The following NWD2 variants were observed in gnomAD, a reference collection of about 807,000 sequenced individuals.
NWD2 encodes the protein NACHT and WD repeat domain-containing protein 2.
Under a neutral mutation model 132.7 loss-of-function variants are expected in NWD2, and 37 were observed. The observed-to-expected ratio is 0.28, with a 90% CI of 0.21 to 0.37. The LOEUF (loss-of-function observed/expected upper bound fraction) is 0.37, where lower values mean the gene tolerates loss of function less well. NWD2 is among the 10% of genes least tolerant of loss of function. NWD2 has a pLI of 1.00. For missense variants in NWD2, 1,592 were observed against 2,122.4 expected, an observed-to-expected ratio of 0.75 and a Z score of 4.91; for synonymous variants, 705 against 803.0, an observed-to-expected ratio of 0.88 and a Z score of 2.06.
intron 3 of NWD2, among the ~76,000 whole-genome samples, chr4:37,413,972 G>A (rs1340741776): frequency 6.6e-6 from 1 of 152,008 alleles, no homozygotes; most frequent in African/African-American, 2.4e-5. Context: ...GGCCTGTCAG[G>A]GGGTGGGGGG....
chr4:37,289,826 C>T (rs1399437453), intron 1 of NWD2, among the ~76,000 whole-genome samples: 1 of 152,140 alleles, frequency 6.6e-6, no homozygotes, highest in African/African-American at 2.4e-5. Flanking sequence ...CCCCTAGAGG[C>T]AACTACTCTT....
At chr4:37,362,833 C>G (rs1720007288) in intron 3 of NWD2, among the ~76,000 whole-genome samples, 1 of 152,176 alleles carries the variant, frequency 6.6e-6, no homozygotes, top group South Asian at 2.1e-4. Context: ...AACTAAACAG[C>G]TTCTGCGAAG....
chr4:37,364,296 C>T (rs754360593), intron 3 of NWD2, among the ~76,000 whole-genome samples: 111 of 152,260 alleles, frequency 7.3e-4, no homozygotes, highest in Non-Finnish European at 1.2e-3. Context: ...TTCCTCAATC[C>T]GTAGTGTGGA....
Position 37,439,149 on chromosome 4 carries a change from A to G in NWD2, c.1055A>G (p.Asp352Gly). The change falls in exon 6 of 7, where the codon GAT (aspartate) becomes GGT (glycine). Residue 352 changes from aspartate to glycine, a missense_variant. Around this residue, in one of 7 missense-constraint regions of NWD2, gnomAD observed 1,071 missense variants for 1,398.0 expected, o/e 0.77. Coordinates refer to ENST00000309447, the MANE Select transcript of NWD2 (RefSeq NM_001144990.2). This position sits in a 1 kb window ranked among gnomAD's most constrained non-coding sequence, Gnocchi z 4.5. Reference protein sequence around the residue: ...LGKQFYEDMIDIIQATIQQNF... With the variant: ...LGKQFYEDMIGIIQATIQQNF... Reference sequence around the variant, plus strand: ...AAACAATTTTATGAGGACATGATTGATATAATTCAGGCAACGATACAACAG... The same window carrying G: ...AAACAATTTTATGAGGACATGATTGGTATAATTCAGGCAACGATACAACAG... 4 of 1,551,082 alleles carry G rather than the reference A, an allele frequency of 2.6e-6. No individual in the cohort carries two copies. The highest frequency in any genetic ancestry group is 3.5e-6 in the Non-Finnish European group (4 of 1,146,604).
intron 2 of NWD2, among the ~76,000 whole-genome samples, chr4:37,355,255 C>T (rs931472961): frequency 2.0e-5 from 3 of 152,092 alleles, no homozygotes; most frequent in African/African-American, 7.2e-5. Flanking sequence ...AAGCATAGAG[C>T]CCCCAAAATC....
intron 1 of NWD2, among the ~76,000 whole-genome samples, chr4:37,323,368 TACAA>T (rs1719107296): frequency 6.6e-6 from 1 of 151,924 alleles, no homozygotes; most frequent in Non-Finnish European, 1.5e-5. Flanking sequence ...ATAACCCCAT[TACAA>T]ACAGACAAAG....
chr4:37,295,599 T>C (rs1253209877), intron 1 of NWD2, among the ~76,000 whole-genome samples: 1 of 152,226 alleles, frequency 6.6e-6, no homozygotes, highest in Non-Finnish European at 1.5e-5. Flanking sequence ...AGGCACAAAA[T>C]CTGGCTATTC....
At chr4:37,328,047 T>C (rs1719210413) in intron 2 of NWD2, among the ~76,000 whole-genome samples, 1 of 152,076 alleles carries the variant, frequency 6.6e-6, no homozygotes, top group Non-Finnish European at 1.5e-5. Flanking sequence ...TCTAACCTCA[T>C]GTTGTGCCCC....
intron 1 of NWD2, among the ~76,000 whole-genome samples, chr4:37,281,751 G>A (rs1475902455): frequency 6.6e-6 from 1 of 152,036 alleles, no homozygotes; most frequent in East Asian, 1.9e-4. Context: ...TAAGATAATG[G>A]TGAGATCAAT....
intron 3 of NWD2, among the ~76,000 whole-genome samples, chr4:37,385,783 G>GTTT (rs1720551218): frequency 6.6e-6 from 1 of 152,166 alleles, no homozygotes; most frequent in Non-Finnish European, 1.5e-5. Flanking sequence ...CTAATAGTAT[G>GTTT]ATAGAAATTA....
intron 1 of NWD2, among the ~76,000 whole-genome samples, chr4:37,303,402 C>A (rs1718645365): frequency 6.6e-6 from 1 of 152,100 alleles, no homozygotes; most frequent in Admixed American, 6.5e-5. Flanking sequence ...GTCCAGCTTT[C>A]CTCTTTTTGT....
chr4:37,304,409 C>T (rs73240360), intron 1 of NWD2, among the ~76,000 whole-genome samples: 23,541 of 151,180 alleles, frequency 0.16, 2,341 homozygotes, highest in South Asian at 0.33. Flanking sequence ...TTGCAAAATA[C>T]AATCATACTT....
At position 37,265,563 on chromosome 4, in the gene NWD2, G is replaced by A. The variant is rs543817034; in HGVS notation, c.151+20345G>A. On this transcript the variant is annotated intron_variant, in intron 1 of 6. Transcript: ENST00000309447. ...GTCTCCTTGCCTTTTGCATCTTCTAGACTCTAGGTGCATTTCTTGGCTAAT... is the reference window on the plus strand; with the variant it reads ...GTCTCCTTGCCTTTTGCATCTTCTAAACTCTAGGTGCATTTCTTGGCTAAT... 2.1e-4 allele frequency among the ~76,000 whole-genome samples: 32 copies of A among 152,124 alleles called. No individual in the cohort carries two copies. In the South Asian group the frequency reaches 6.2e-3, roughly 30 times the overall value.
chr4:37,291,470 A>AT (rs1718358640), intron 1 of NWD2, among the ~76,000 whole-genome samples: 1 of 152,148 alleles, frequency 6.6e-6, no homozygotes, highest in Non-Finnish European at 1.5e-5. Context: ...AGTATAATGG[A>AT]TTTTTAAGGG....
rs890395770 is a variant in NWD2 at position 37,443,639 on chromosome 4, G to A, written c.1651G>A (p.Gly551Arg). 6.4e-7 allele frequency: 1 copy of A among 1,551,974 alleles called. No individual in the cohort carries two copies. The highest frequency in any genetic ancestry group is 1.2e-5 in the South Asian group (1 of 84,032). The change falls in exon 7 of 7, where the codon GGG becomes AGG. Residue 551 changes from glycine (G) to arginine (R), a missense_variant. By Grantham distance (125) the Gly-to-Arg change is moderately radical. Transcript: ENST00000309447. This position sits in a 1 kb window ranked among gnomAD's most constrained non-coding sequence, Gnocchi z 4.1. ...CCTTTCCACGCTGCCCAACAAACAT[G>A]GGATCTTGCAGAAACTAAGGTGCCT... ...IVLSTLPNKH[G>R]ILQKLRCLIH...
chr4:37,347,827 C>T (rs746873661), intron 2 of NWD2, among the ~76,000 whole-genome samples: 7 of 152,212 alleles, frequency 4.6e-5, no homozygotes, highest in Admixed American at 1.3e-4. Flanking sequence ...ATAAGACCTT[C>T]CTCAACCACA....
intron 3 of NWD2, among the ~76,000 whole-genome samples, chr4:37,425,633 A>T (rs1711986581): frequency 6.6e-6 from 1 of 152,222 alleles, no homozygotes; most frequent in African/African-American, 2.4e-5. Flanking sequence ...TCAACAGTGT[A>T]ACTCATAAAA....
rs1717189945 is a variant in NWD2, at chr4:37,244,747, G to A, written c.-321G>A. ...GCCGCCGGCGCTTCCCGGCGCAAAC[G>A]GGCGCTGCGCGCGTAGCCGCCGCCA... On this transcript the variant is annotated 5_prime_UTR_variant, in exon 1 of 7. Coordinates refer to ENST00000309447, the MANE Select transcript of NWD2 (RefSeq NM_001144990.2). This position sits in a 1 kb window ranked among gnomAD's most constrained non-coding sequence, Gnocchi z 5.5. 1 of 276,602 alleles carries A rather than the reference G, an allele frequency of 3.6e-6. No individual in the cohort carries two copies. Among genetic ancestry groups the A allele is most frequent in the South Asian group, 8.9e-5 (1 of 11,212 alleles). 17.1% of individuals were successfully genotyped at this position (276,602 alleles called of 1,614,324 possible).
rs1456715021 is a variant in NWD2, at chr4:37,443,537, G to A, written c.1549G>A (p.Glu517Lys). 6.4e-7 allele frequency: 1 copy of A among 1,551,848 alleles called. No individual in the cohort carries two copies. Residue 517 changes from glutamate to lysine, a missense_variant, in exon 7 of 7, where the codon GAG (glutamate) becomes AAG (lysine). Around this residue, in one of 7 missense-constraint regions of NWD2, gnomAD observed 1,071 missense variants for 1,398.0 expected, o/e 0.77. Transcript: ENST00000309447. This position sits in a 1 kb window ranked among gnomAD's most constrained non-coding sequence, Gnocchi z 4.1. ...TCTAGTCATAATATTCGATGCACTA[G>A]AGCAGCTCTCAGAGAATGATGATGC... is the stretch of plus-strand genomic sequence containing the variant. The part of the protein sequence containing the change: ...RPLVIIFDAL[E>K]QLSENDDARK...
Sources: allele counts gnomAD v4.1 joint callset (sites outside exome capture counted in the v4.1 genomes callset), GRCh38; gene constraint gnomAD v4.1.1; regional missense constraint gnomAD v4.1.1; non-coding constraint Gnocchi (gnomAD v3.1); transcripts MANE v1.5; gene names NCBI Gene and HGNC (gene_info 2026-07-23, HGNC 2026-07-21).